Variants in IL1RAPL2 observed in about 807,000 individuals in gnomAD.
The protein encoded by IL1RAPL2 is X-linked interleukin-1 receptor accessory protein-like 2.
Under a neutral mutation model 44.1 loss-of-function variants are expected in IL1RAPL2, and 3 were observed. That is an observed-to-expected ratio of 0.07 (90% confidence interval 0.03 to 0.18). The LOEUF is 0.18. Among genes scored for constraint, IL1RAPL2 ranks in the 10% least tolerant of loss-of-function variants. The probability of loss-of-function intolerance (pLI) is 1.00; values close to 1 mark genes in which losing one functional copy is unlikely to be tolerated. For synonymous variants in IL1RAPL2, 181 were observed against 178.8 expected, an observed-to-expected ratio of 1.01 and a Z score of -0.10; for missense variants, 391 against 496.4, an observed-to-expected ratio of 0.79 and a Z score of 2.02.
chrX:105,444,193 G>A (rs1370577950), intron 5 of IL1RAPL2, among the ~76,000 whole-genome samples: 1 of 111,805 alleles, frequency 8.9e-6, no homozygotes, highest in Non-Finnish European at 1.9e-5. Context: ...CAGATTCTTA[G>A]ATTTTTTTCC....
At chrX:104,751,016 C>T (rs1301698417) in intron 2 of IL1RAPL2, among the ~76,000 whole-genome samples, 2 of 110,942 alleles carry the variant, frequency 1.8e-5, no homozygotes, top group African/African-American at 3.3e-5. Flanking sequence ...AGGTCTATTC[C>T]AACTCTACAA....
Position 104,879,365 on chromosome X carries a change from TAAAAA to T in IL1RAPL2, c.82+220385_82+220389del, listed in dbSNP as rs753494292. On this transcript the variant is annotated intron_variant, in intron 2 of 10. Transcript: ENST00000372582. ...TGTAAAAGAGACCAAGCAAAACTAG[TAAAAA>T]AAAAAAAAAAAAAAGAGTGCAGAAA... Among the ~76,000 whole-genome samples the T allele has an allele frequency of 8.4e-4, 26 of 31,031 alleles. 1 individual carries two copies. The highest frequency in any genetic ancestry group is 1.3e-3 in the African/African-American group (7 of 5,387). The allele number at this position is 31,031 out of a possible 115,157, so 26.9% of individuals were successfully genotyped here.
intron 2 of IL1RAPL2, among the ~76,000 whole-genome samples, chrX:104,725,205 G>T (rs1250046082): frequency 2.7e-5 from 3 of 111,130 alleles, no homozygotes. Flanking sequence ...GCATGCAAAG[G>T]ACATGAACTC....
chrX:104,894,862 CT>C (rs1923588208), intron 2 of IL1RAPL2, among the ~76,000 whole-genome samples: 1 of 112,261 alleles, frequency 8.9e-6, no homozygotes, highest in African/African-American at 3.2e-5. Context: ...GAGAGGCACT[CT>C]GATTTTTAGT....
intron 5 of IL1RAPL2, among the ~76,000 whole-genome samples, chrX:105,327,909 A>G (rs1363773102): frequency 9.0e-6 from 1 of 111,622 alleles, no homozygotes; most frequent in Non-Finnish European, 1.9e-5. Flanking sequence ...TTGGGAGAGC[A>G]TACTTTCTCA....
intron 1 of IL1RAPL2, among the ~76,000 whole-genome samples, chrX:104,613,550 C>T (rs953608511): frequency 9.0e-6 from 1 of 111,545 alleles, no homozygotes; most frequent in Non-Finnish European, 1.9e-5. Context: ...TATTGATGTG[C>T]TGTTGGATTT....
intron 1 of IL1RAPL2, among the ~76,000 whole-genome samples, chrX:104,629,045 C>G (rs183952399): frequency 1.8e-5 from 2 of 111,427 alleles, no homozygotes; most frequent in African/African-American, 3.3e-5. Context: ...AGATATGATT[C>G]CACATATAAT....
chrX:105,278,067 G>A (rs1304466029), intron 5 of IL1RAPL2, among the ~76,000 whole-genome samples: 1 of 111,675 alleles, frequency 9.0e-6, no homozygotes, highest in Non-Finnish European at 1.9e-5. Flanking sequence ...ACAGGGAGAT[G>A]AACAAATACT....
At chrX:105,393,404 G>A (rs759542541) in intron 5 of IL1RAPL2, among the ~76,000 whole-genome samples, 15 of 111,464 alleles carry the variant, frequency 1.3e-4, no homozygotes, top group Admixed American at 3.8e-4. Flanking sequence ...ATCTACAGGA[G>A]TAATTGGGGA....
chrX:105,206,661 T>A (rs2033766545), intron 3 of IL1RAPL2, among the ~76,000 whole-genome samples: 1 of 112,131 alleles, frequency 8.9e-6, no homozygotes, highest in East Asian at 2.8e-4. Context: ...AGATGGATAA[T>A]AGAAGGCAAT....
intron 5 of IL1RAPL2, among the ~76,000 whole-genome samples, chrX:105,313,364 T>C (rs1182270069): frequency 8.9e-6 from 1 of 112,006 alleles, no homozygotes; most frequent in Non-Finnish European, 1.9e-5. Context: ...AACCTAGTGA[T>C]CAGAAATGAT....
In IL1RAPL2 at chrX:104,753,939, G is replaced by A. The variant is rs185718316; in HGVS notation, c.82+94944G>A. The stretch of plus-strand genomic sequence containing the variant: ...ACCTTTTCTTTTTGTTTTTATTAGC[G>A]TTCAGGTTTTAGACTATTTGTTTCC... On this transcript the variant is annotated intron_variant, in intron 2 of 10. Coordinates refer to ENST00000372582, the MANE Select transcript of IL1RAPL2 (RefSeq NM_017416.2). Among the ~76,000 whole-genome samples, 9 of 111,015 alleles carry A rather than the reference G, an allele frequency of 8.1e-5. No homozygotes were observed. In the East Asian group the frequency reaches 1.4e-3, roughly 18 times the overall value.
At chrX:105,312,959 C>A (rs1234812763) in intron 5 of IL1RAPL2, among the ~76,000 whole-genome samples, 1 of 111,511 alleles carries the variant, frequency 9.0e-6, no homozygotes, top group Non-Finnish European at 1.9e-5. Flanking sequence ...CAGTTAATTC[C>A]CAATTAAATG....
chrX:104,896,061 T>C (rs1051639360), intron 2 of IL1RAPL2, among the ~76,000 whole-genome samples: 2 of 111,552 alleles, frequency 1.8e-5, no homozygotes, highest in African/African-American at 6.5e-5. Flanking sequence ...CAGTCAGGGA[T>C]GGTACGAGAT....
intron 2 of IL1RAPL2, among the ~76,000 whole-genome samples, chrX:105,192,387 T>C (rs1445193688): frequency 1.8e-5 from 2 of 111,880 alleles, no homozygotes. Context: ...CCATGTTGAC[T>C]GATCACCTGA....
chrX:105,002,226 C>T (rs780528054), intron 2 of IL1RAPL2, among the ~76,000 whole-genome samples: 1 of 110,850 alleles, frequency 9.0e-6, no homozygotes, highest in South Asian at 3.7e-4. Context: ...CATGGTAGAA[C>T]AAAGGGAGAG....
At chrX:105,067,783 G>A (rs2032155972) in intron 2 of IL1RAPL2, among the ~76,000 whole-genome samples, 2 of 111,360 alleles carry the variant, frequency 1.8e-5, no homozygotes, top group South Asian at 3.7e-4. Context: ...ACACACACGC[G>A]TGCACACACA....
At chrX:104,821,944 G>A (rs899628143) in intron 2 of IL1RAPL2, among the ~76,000 whole-genome samples, 7 of 111,965 alleles carry the variant, frequency 6.3e-5, no homozygotes, top group South Asian at 3.7e-4. Context: ...ATTCTATCTC[G>A]CGTGAGATGG....
intron 6 of IL1RAPL2, among the ~76,000 whole-genome samples, chrX:105,486,372 C>T (rs921864151): frequency 3.6e-5 from 4 of 111,645 alleles, no homozygotes; most frequent in African/African-American, 1.3e-4. Context: ...GCATTTTAAA[C>T]AAAACAAAAA....
Sources: gnomAD v4.1 joint callset for allele counts (sites outside exome capture counted in the v4.1 genomes callset) on GRCh38, gnomAD v4.1.1 for gene constraint, MANE v1.5 for transcripts, NCBI Gene and HGNC (gene_info 2026-07-23, HGNC 2026-07-21) for gene names.